ELMO1: variants seen among roughly 807,000 people sequenced by gnomAD.
The protein encoded by ELMO1 is engulfment and cell motility 1.
ELMO1 carries 26 observed loss-of-function variants against 98.9 expected under a neutral mutation model. The ratio of observed to expected loss-of-function variants is 0.26; its 90% CI spans 0.19 to 0.36. ELMO1 has a LOEUF of 0.36. Ranked by LOEUF, ELMO1 falls within the 10% of genes least tolerant of loss-of-function variation. ELMO1 has a pLI of 1.00. For synonymous variants in ELMO1, 346 were observed against 346.0 expected, an observed-to-expected ratio of 1.00 and a Z score of 0.00; for missense variants, 627 against 935.2, an observed-to-expected ratio of 0.67 and a Z score of 4.30.
intron 13 of ELMO1, among the ~76,000 whole-genome samples, chr7:37,152,678 G>C (rs897767838): frequency 6.6e-6 from 1 of 152,158 alleles, no homozygotes; most frequent in Non-Finnish European, 1.5e-5. Context: ...GGAAAGAAGG[G>C]AGGCTGAAAA....
chr7:36,956,878 G>A (rs572563177), intron 16 of ELMO1, among the ~76,000 whole-genome samples: 62 of 152,334 alleles, frequency 4.1e-4, no homozygotes, highest in African/African-American at 1.5e-3. Flanking sequence ...GAAAGCACGT[G>A]TTGATTGCCC....
intron 2 of ELMO1, among the ~76,000 whole-genome samples, chr7:37,324,906 G>T (rs1416252262): frequency 6.6e-6 from 1 of 152,162 alleles, no homozygotes; most frequent in Non-Finnish European, 1.5e-5. Context: ...TTCCAGGGAC[G>T]GCTTCTGCAG....
chr7:37,266,600 T>G (rs1043158970), intron 5 of ELMO1, among the ~76,000 whole-genome samples: 1 of 152,236 alleles, frequency 6.6e-6, no homozygotes, highest in Non-Finnish European at 1.5e-5. Flanking sequence ...GTTTGCAATC[T>G]TGACATGTTT....
intron 17 of ELMO1, 56 bp from the exon 18 acceptor site, chr7:36,887,728 TG>T: frequency 6.5e-7 from 1 of 1,549,494 alleles, no homozygotes; most frequent in Non-Finnish European, 8.9e-7. Flanking sequence ...GAGTGTGGCT[TG>T]GTGGGCATCA....
chr7:36,915,165 G>C (rs1584362601), intron 16 of ELMO1, among the ~76,000 whole-genome samples: 3 of 152,198 alleles, frequency 2.0e-5, no homozygotes, highest in East Asian at 3.9e-4. Flanking sequence ...GGCTTCAAGT[G>C]AGCCAATCTT....
chr7:37,289,093 C>G (rs1159156947), intron 4 of ELMO1, among the ~76,000 whole-genome samples: 1 of 152,178 alleles, frequency 6.6e-6, no homozygotes, highest in Non-Finnish European at 1.5e-5. Context: ...ATGTTTAGTT[C>G]ATCACCAGTG....
At chr7:37,225,106 C>A in intron 8 of ELMO1, 76 bp from the exon 9 acceptor site, 2 of 1,562,488 alleles carry the variant, frequency 1.3e-6, no homozygotes, top group Non-Finnish European at 1.7e-6. Flanking sequence ...ACAAATGAAT[C>A]AAATCGGGAA....
At chr7:36,867,983 T>C (rs1433730155) in intron 20 of ELMO1, among the ~76,000 whole-genome samples, 1 of 152,210 alleles carries the variant, frequency 6.6e-6, no homozygotes, top group Non-Finnish European at 1.5e-5. Flanking sequence ...ATTCTGCCGT[T>C]GCTGAGTGGA....
intron 16 of ELMO1, among the ~76,000 whole-genome samples, chr7:36,901,818 C>T (rs932484063): frequency 6.6e-5 from 10 of 152,136 alleles, no homozygotes; most frequent in African/African-American, 2.4e-4. Context: ...ATAATCCCCT[C>T]GCAGCTTGCA....
chr7:36,990,469 A>G (rs1584485113), intron 16 of ELMO1, among the ~76,000 whole-genome samples: 1 of 152,280 alleles, frequency 6.6e-6, no homozygotes, highest in East Asian at 1.9e-4. Flanking sequence ...TGTCCACAAA[A>G]GGAGAAGGGA....
rs1161578953 is a variant in ELMO1, at chr7:37,089,099, C to T, written c.1300+7520G>A. 2.6e-5 allele frequency among the ~76,000 whole-genome samples: 4 copies of T among 152,322 alleles called. No homozygotes were observed. The East Asian group carries it at 7.7e-4, about 29-fold the overall frequency. On this transcript the variant is annotated intron_variant, in intron 15 of 21. Transcript: ENST00000310758. ...CCAAGAATGAAAGTGACGGATGGTACTTCTCAAGGTACAAAAACACCAATG... is the reference window on the plus strand; with the variant it reads ...CCAAGAATGAAAGTGACGGATGGTATTTCTCAAGGTACAAAAACACCAATG...
intron 13 of ELMO1, among the ~76,000 whole-genome samples, chr7:37,206,361 C>T (rs950792928): frequency 2.0e-5 from 3 of 152,166 alleles, no homozygotes; most frequent in Admixed American, 6.6e-5. Context: ...AGTCAGAAAT[C>T]GATGTCAGCA....
chr7:37,058,319 C>G (rs1258716299), intron 15 of ELMO1, among the ~76,000 whole-genome samples: 1 of 152,200 alleles, frequency 6.6e-6, no homozygotes, highest in Non-Finnish European at 1.5e-5. Context: ...TAAAAAATCC[C>G]ACCCTCGTAG....
chr7:37,179,467 C>T (rs988971591), intron 13 of ELMO1, among the ~76,000 whole-genome samples: 3 of 151,964 alleles, frequency 2.0e-5, no homozygotes, highest in Admixed American at 6.6e-5. Flanking sequence ...TTAGTAGAGA[C>T]AGGATTTCAC....
intron 14 of ELMO1, among the ~76,000 whole-genome samples, chr7:37,105,272 GTAA>G (rs1276859046): frequency 6.6e-6 from 1 of 152,328 alleles, no homozygotes; most frequent in East Asian, 1.9e-4. Context: ...TGCCTACACA[GTAA>G]TCACAACATT....
intron 16 of ELMO1, among the ~76,000 whole-genome samples, chr7:36,994,321 T>C (rs1164476855): frequency 6.6e-6 from 1 of 152,216 alleles, no homozygotes; most frequent in Non-Finnish European, 1.5e-5. Context: ...TTGCATTCTT[T>C]CCATACAATA....
intron 16 of ELMO1, among the ~76,000 whole-genome samples, chr7:37,011,972 C>A (rs1359987816): frequency 6.6e-6 from 1 of 152,168 alleles, no homozygotes; most frequent in Non-Finnish European, 1.5e-5. Context: ...CTCCACTTCC[C>A]TTCTTGAATC....
chr7:36,909,957 T>C (rs1784228965), intron 16 of ELMO1, among the ~76,000 whole-genome samples: 1 of 152,136 alleles, frequency 6.6e-6, no homozygotes, highest in South Asian at 2.1e-4. Flanking sequence ...GAGTTACAAC[T>C]GAAGATCAAA....
In ELMO1 at chr7:37,342,816, G is replaced by T; in HGVS notation, c.-73-53C>A. On this transcript the variant is annotated intron_variant, in intron 1 of 21. Transcript: ENST00000310758. This position sits in a 1 kb window ranked among gnomAD's most constrained non-coding sequence, Gnocchi z 4.3. ...AGAAGTCACTCAGTGCAGATGCAGG[G>T]TGAATTTTGCTTCATCACTTCCTGT... The T allele has an allele frequency of 1.1e-6, 1 of 876,336 alleles. No homozygotes were observed. Among genetic ancestry groups the T allele is most frequent in the Non-Finnish European group, 1.7e-6 (1 of 578,054 alleles). 54.3% of individuals were successfully genotyped at this position (876,336 alleles called of 1,614,324 possible). A position where few individuals can be genotyped will look rare whatever the true frequency, so the allele number is the denominator to read the frequency against.
Sources: gnomAD v4.1 joint callset for allele counts (sites outside exome capture counted in the v4.1 genomes callset) on GRCh38, gnomAD v4.1.1 for gene constraint, Gnocchi (gnomAD v3.1) non-coding constraint, MANE v1.5 for transcripts, NCBI Gene and HGNC (gene_info 2026-07-23, HGNC 2026-07-21) for gene names.